Variants in RBFOX1 observed in about 807,000 individuals in gnomAD.
The protein encoded by RBFOX1 is RNA binding protein fox-1 homolog 1.
Under a neutral mutation model 57.7 loss-of-function variants are expected in RBFOX1, and 8 were observed. The observed-to-expected ratio is 0.14, with a 90% CI of 0.08 to 0.25. The LOEUF (loss-of-function observed/expected upper bound fraction) is 0.25. Among genes scored for constraint, RBFOX1 ranks in the 10% least tolerant of loss-of-function variants. The probability of loss-of-function intolerance (pLI) is 1.00; values close to 1 mark genes in which losing one functional copy is unlikely to be tolerated. For synonymous variants in RBFOX1, 326 were observed against 222.4 expected, an observed-to-expected ratio of 1.47 and a Z score of -4.15; for missense variants, 611 against 548.5, an observed-to-expected ratio of 1.11 and a Z score of -1.14.
At chr16:6,656,647 A>T (rs542848813) in intron 3 of RBFOX1, among the ~76,000 whole-genome samples, 61 of 147,404 alleles carry the variant, frequency 4.1e-4, no homozygotes, top group African/African-American at 1.5e-3. Flanking sequence ...GTTTTTTCAT[A>T]AATTGTTGGA....
At chr16:6,682,452 A>G (rs868440082) in intron 3 of RBFOX1, among the ~76,000 whole-genome samples, 52 of 152,322 alleles carry the variant, frequency 3.4e-4, no homozygotes, top group Middle Eastern at 6.8e-3. Context: ...AAAGTTAGAC[A>G]TTTGTTAAAT....
intron 2 of RBFOX1, among the ~76,000 whole-genome samples, chr16:6,365,398 A>AGATG (rs2089413582): frequency 6.6e-6 from 1 of 150,572 alleles, no homozygotes; most frequent in South Asian, 2.1e-4. Flanking sequence ...ATGGATGAGT[A>AGATG]GATGGATGGA....
intron 4 of RBFOX1, among the ~76,000 whole-genome samples, chr16:7,341,041 C>T (rs962259871): frequency 6.6e-6 from 1 of 152,106 alleles, no homozygotes; most frequent in African/African-American, 2.4e-5. Context: ...GGAGCAGAGT[C>T]CCCTCCCTGT....
chr16:6,494,404 A>T (rs1041653064), intron 2 of RBFOX1, among the ~76,000 whole-genome samples: 13 of 152,174 alleles, frequency 8.5e-5, no homozygotes, highest in African/African-American at 3.1e-4. Context: ...CCTGTCGATC[A>T]TGAATCTGCC....
At chr16:5,943,026 A>T (rs1294169684) in intron 4 of RBFOX1, among the ~76,000 whole-genome samples, 1 of 152,138 alleles carries the variant, frequency 6.6e-6, no homozygotes, top group Non-Finnish European at 1.5e-5. Context: ...CAAGCTCAGT[A>T]TGGGGGGCCA....
intron 3 of RBFOX1, among the ~76,000 whole-genome samples, chr16:6,760,332 G>C (rs2076428161): frequency 6.6e-6 from 1 of 152,112 alleles, no homozygotes; most frequent in Non-Finnish European, 1.5e-5. Flanking sequence ...GAAGGTGGAA[G>C]GGGAATCAAG....
intron 4 of RBFOX1, among the ~76,000 whole-genome samples, chr16:7,311,919 C>G (rs1178486273): frequency 6.6e-6 from 1 of 152,178 alleles, no homozygotes; most frequent in Non-Finnish European, 1.5e-5. Flanking sequence ...CTGAATTGAG[C>G]AAGATAGTTT....
At chr16:5,473,595 A>G (rs1453852815) in intron 2 of RBFOX1, among the ~76,000 whole-genome samples, 1 of 148,904 alleles carries the variant, frequency 6.7e-6, no homozygotes, top group African/African-American at 2.5e-5. Flanking sequence ...GAAAAGATGG[A>G]CGTAAGGAAG....
intron 2 of RBFOX1, among the ~76,000 whole-genome samples, chr16:5,540,760 C>G (rs1449062344): frequency 2.0e-5 from 3 of 152,206 alleles, no homozygotes; most frequent in African/African-American, 4.8e-5. Context: ...TGTGGACTAG[C>G]AGCGTCAGAA....
At chr16:7,032,736 T>C (rs1161805229) in intron 3 of RBFOX1, among the ~76,000 whole-genome samples, 2 of 152,168 alleles carry the variant, frequency 1.3e-5, no homozygotes, top group Non-Finnish European at 2.9e-5. Flanking sequence ...TCACTTGTTA[T>C]TTTGTTGTCG....
At chr16:5,761,191 G>C (rs905438074) in intron 3 of RBFOX1, among the ~76,000 whole-genome samples, 4 of 152,252 alleles carry the variant, frequency 2.6e-5, no homozygotes, top group African/African-American at 9.6e-5. Context: ...CCCTCTCGCT[G>C]CTGTTTATTT....
In RBFOX1 at chr16:6,618,209, G is replaced by C. The variant is rs1541544; in HGVS notation, c.-63-36394G>C. Among the ~76,000 whole-genome samples, 64 of 152,196 alleles carry C rather than the reference G, an allele frequency of 4.2e-4. 2 individuals carry two copies. In the East Asian group the frequency reaches 6.6e-3, roughly 16 times the overall value. ...TTCACCTCCCAGCACCCTGCCTAGTGGTCTACCCATCACTGATACTTAACA... is the reference window on the plus strand; with the variant it reads ...TTCACCTCCCAGCACCCTGCCTAGTCGTCTACCCATCACTGATACTTAACA... On this transcript the variant is annotated intron_variant, in intron 2 of 15. Transcript: ENST00000550418.
At chr16:5,648,008 C>T (rs2049106407) in intron 3 of RBFOX1, among the ~76,000 whole-genome samples, 1 of 152,116 alleles carries the variant, frequency 6.6e-6, no homozygotes. Context: ...TATAGGCATG[C>T]AGCACTGTCC....
chr16:5,313,865 T>A lies in RBFOX1; in HGVS notation c.219+73760T>A, dbSNP rs547562045. Among the ~76,000 whole-genome samples, 17 of 152,170 alleles carry A rather than the reference T, an allele frequency of 1.1e-4. No homozygotes were observed. The East Asian group carries it at 1.2e-3, about 10-fold the overall frequency. On this transcript the variant is annotated intron_variant, in intron 1 of 2. Transcript: ENST00000585867. Reference sequence around the variant, plus strand: ...TGGATTGGGGACACAGCCAAACCATTTCAAAGACTTATGGGTGGGCTTTGG... The same window carrying A: ...TGGATTGGGGACACAGCCAAACCATATCAAAGACTTATGGGTGGGCTTTGG...
chr16:5,566,567 G>GTT (rs1287492882), intron 2 of RBFOX1, among the ~76,000 whole-genome samples: 31 of 148,328 alleles, frequency 2.1e-4, no homozygotes, highest in African/African-American at 7.2e-4. Flanking sequence ...CAGGAAAGTA[G>GTT]TTATATATAT....
At chr16:7,657,451 C>T (rs2066591636) in intron 12 of RBFOX1, among the ~76,000 whole-genome samples, 1 of 152,132 alleles carries the variant, frequency 6.6e-6, no homozygotes, top group Non-Finnish European at 1.5e-5. Context: ...ATTACAGGTG[C>T]CCGCCACCAC....
At chr16:6,580,365 C>G (rs757930734) in intron 2 of RBFOX1, among the ~76,000 whole-genome samples, 16 of 152,144 alleles carry the variant, frequency 1.1e-4, no homozygotes, top group Non-Finnish European at 1.9e-4. Flanking sequence ...AGTCATAACA[C>G]ACATTTGCCA....
chr16:6,969,715 G>A (rs941422731), intron 3 of RBFOX1, among the ~76,000 whole-genome samples: 1 of 152,242 alleles, frequency 6.6e-6, no homozygotes, highest in South Asian at 2.1e-4. Flanking sequence ...CCTCACTCCA[G>A]CCTGGGTGAC....
intron 1 of RBFOX1, among the ~76,000 whole-genome samples, chr16:6,238,115 A>G (rs2097520917): frequency 6.6e-6 from 1 of 151,604 alleles, no homozygotes; most frequent in Non-Finnish European, 1.5e-5. Flanking sequence ...AAAAAAAGAA[A>G]GAAAAGCCTG....
Sources: gnomAD v4.1 joint callset for allele counts (sites outside exome capture counted in the v4.1 genomes callset) on GRCh38, gnomAD v4.1.1 for gene constraint, MANE v1.5 for transcripts, NCBI Gene and HGNC (gene_info 2026-07-23, HGNC 2026-07-21) for gene names.